The following GSG1L variants were observed in gnomAD, a reference collection of about 807,000 sequenced individuals.
The protein encoded by GSG1L is germ cell-specific gene 1-like protein.
A neutral mutation model predicts 42.1 loss-of-function variants in GSG1L; 24 were observed. The observed-to-expected ratio is 0.57, with a 90% confidence interval of 0.41 to 0.80. The LOEUF is 0.80. Among genes scored for constraint, GSG1L ranks in the 30% least tolerant of loss-of-function variants. The probability of loss-of-function intolerance (pLI) is 0.00; values close to 1 mark genes in which losing one functional copy is unlikely to be tolerated. For synonymous variants in GSG1L, 215 were observed against 203.5 expected, an observed-to-expected ratio of 1.06 and a Z score of -0.48; for missense variants, 445 against 472.2, an observed-to-expected ratio of 0.94 and a Z score of 0.53.
At chr16:27,811,396 C>T (rs548565126) in intron 5 of GSG1L, among the ~76,000 whole-genome samples, 20 of 152,288 alleles carry the variant, frequency 1.3e-4, no homozygotes, top group African/African-American at 4.3e-4. Flanking sequence ...TTTCCATCAG[C>T]AGAGGTGCTC....
intron 6 of GSG1L, among the ~76,000 whole-genome samples, chr16:27,795,364 C>T (rs893224557): frequency 5.3e-5 from 8 of 152,168 alleles, no homozygotes; most frequent in African/African-American, 1.9e-4. Flanking sequence ...GACCGTACTT[C>T]GGTCTAACAG....
At chr16:28,012,141 T>A (rs2085727260) in intron 1 of GSG1L, among the ~76,000 whole-genome samples, 1 of 152,184 alleles carries the variant, frequency 6.6e-6, no homozygotes, top group Admixed American at 6.5e-5. Flanking sequence ...TCGCTACAGC[T>A]GCTCCAAATG....
intron 1 of GSG1L, among the ~76,000 whole-genome samples, chr16:28,002,886 C>T (rs531207460): frequency 6.6e-6 from 1 of 152,048 alleles, no homozygotes; most frequent in Admixed American, 6.5e-5. Flanking sequence ...GCAGTGAGCC[C>T]AGATGCACCA....
intron 1 of GSG1L, among the ~76,000 whole-genome samples, chr16:28,020,174 G>A (rs1213498195): frequency 6.6e-6 from 1 of 152,200 alleles, no homozygotes; most frequent in East Asian, 1.9e-4. Context: ...CGGCCCTACT[G>A]TCTTGCTGGG....
In GSG1L at chr16:27,958,423, A is replaced by AAAG. The variant is rs1555510827; in HGVS notation, c.397+4732_397+4733insCTT. On this transcript the variant is annotated intron_variant, in intron 2 of 6. Transcript: ENST00000447459. ...GTGAGACTCCATCTAAAAAAAAAAA[A>AAAG]AAAAGAAAAGAAAACTATATCAGTC... Among the ~76,000 whole-genome samples the AAAG allele has an allele frequency of 7.8e-4, 118 of 151,282 alleles. 1 individual carries two copies. The highest frequency in any genetic ancestry group is 2.7e-3 in the African/African-American group (111 of 41,366).
chr16:27,884,750 C>T lies in GSG1L; in HGVS notation c.398-112G>A. Reference sequence around the variant, plus strand: ...GGTAGCAAGTCATTCTAGAATAGAACCTGGTTCTGGGGGAGGTCCTGATGG... The same window carrying T: ...GGTAGCAAGTCATTCTAGAATAGAATCTGGTTCTGGGGGAGGTCCTGATGG... On this transcript the variant is annotated intron_variant, in intron 2 of 6. Transcript: ENST00000447459. The surrounding 1 kb of genome is among the most constrained non-coding windows in gnomAD (Gnocchi z 4.4). The T allele has an allele frequency of 3.6e-6, 4 of 1,114,224 alleles. No homozygotes were observed. Among genetic ancestry groups the T allele is most frequent in the African/African-American group, 1.6e-5 (1 of 63,662 alleles). The allele number at this position is 1,114,224 out of a possible 1,614,324, so 69.0% of individuals were successfully genotyped here. A position where few individuals can be genotyped will look rare whatever the true frequency, so the allele number is the denominator to read the frequency against.
At chr16:27,839,728 A>G (rs895290854) in intron 4 of GSG1L, among the ~76,000 whole-genome samples, 31 of 152,234 alleles carry the variant, frequency 2.0e-4, no homozygotes, top group African/African-American at 1.4e-4. Context: ...AGATCTTCCA[A>G]TGATCATGAA....
At chr16:27,932,169 C>T (rs762709942) in intron 2 of GSG1L, among the ~76,000 whole-genome samples, 1 of 152,186 alleles carries the variant, frequency 6.6e-6, no homozygotes, top group African/African-American at 2.4e-5. Context: ...TCTCATACCT[C>T]GGCCTCCCAA....
At chr16:27,827,126 G>A (rs1233430529) in intron 5 of GSG1L, among the ~76,000 whole-genome samples, 2 of 152,320 alleles carry the variant, frequency 1.3e-5, no homozygotes, top group South Asian at 2.1e-4. Flanking sequence ...TAACTGCATA[G>A]TGAAGTCTTA....
intron 2 of GSG1L, among the ~76,000 whole-genome samples, chr16:27,903,641 C>A (rs191127752): frequency 1.2e-4 from 18 of 152,306 alleles, no homozygotes; most frequent in East Asian, 9.7e-4. Flanking sequence ...CAGATGCCCC[C>A]CCTTGGGGCC....
At chr16:27,853,203 C>T (rs2083536169) in intron 3 of GSG1L, among the ~76,000 whole-genome samples, 1 of 152,228 alleles carries the variant, frequency 6.6e-6, no homozygotes, top group African/African-American at 2.4e-5. Flanking sequence ...ACGACGGAGA[C>T]CAAAGCCTGG....
At chr16:27,978,412 G>T (rs1302010780) in intron 1 of GSG1L, among the ~76,000 whole-genome samples, 1 of 150,650 alleles carries the variant, frequency 6.6e-6, no homozygotes, top group African/African-American at 2.4e-5. Context: ...CACTGTGCCA[G>T]CTGGGCGCAG....
chr16:27,886,409 C>A (rs1050898024), intron 2 of GSG1L, among the ~76,000 whole-genome samples: 1 of 152,154 alleles, frequency 6.6e-6, no homozygotes, highest in Non-Finnish European at 1.5e-5. Flanking sequence ...CACTGCACTC[C>A]AGCCAAGGCA....
At position 27,917,805 on chromosome 16, in the gene GSG1L, T is replaced by C. The variant is rs73519058; in HGVS notation, c.398-33167A>G. Among the ~76,000 whole-genome samples the C allele has an allele frequency of 2.4e-3, 359 of 152,282 alleles. 1 individual carries two copies. The highest frequency in any genetic ancestry group is 8.5e-3 in the African/African-American group (352 of 41,552). On this transcript the variant is annotated intron_variant, in intron 2 of 6. Coordinates refer to ENST00000447459, the MANE Select transcript of GSG1L (RefSeq NM_001109763.2). ...AATAATTCATCAGCTAAAAAGCAGA[T>C]CTGGCTTCGGGCACAGCTAGACGGA...
chr16:27,827,527 C>T (rs1035767834), intron 5 of GSG1L, among the ~76,000 whole-genome samples: 1 of 151,948 alleles, frequency 6.6e-6, no homozygotes, highest in Admixed American at 6.6e-5. Flanking sequence ...TGGTAGCTGG[C>T]CCATAGGAGC....
Position 27,794,458 on chromosome 16 carries a change from G to T in GSG1L, c.899-2991C>A, listed in dbSNP as rs141770824. Reference sequence around the variant, plus strand: ...CCATTCTCCTGCCTCAGCCTCCTAAGTAGCTAGGACTACAGGCACCTGCTA... The same window carrying T: ...CCATTCTCCTGCCTCAGCCTCCTAATTAGCTAGGACTACAGGCACCTGCTA... On this transcript the variant is annotated intron_variant, in intron 6 of 6. Transcript: ENST00000447459. Among the ~76,000 whole-genome samples, 1,464 of 151,984 alleles carry T rather than the reference G, an allele frequency of 9.6e-3. 22 individuals are homozygous for T. Among genetic ancestry groups the T allele is most frequent in the African/African-American group, 0.031 (1,270 of 41,450 alleles).
chr16:27,789,320 G>C lies in GSG1L; in HGVS notation c.*2050C>G, dbSNP rs2082725659. The C allele has an allele frequency of 6.6e-6, 1 of 150,930 alleles. No homozygotes were observed. The highest frequency in any genetic ancestry group is 6.6e-5 in the Admixed American group (1 of 15,176). The allele number at this position is 150,930 out of a possible 1,614,324, so 9.3% of individuals were successfully genotyped here. On this transcript the variant is annotated 3_prime_UTR_variant, in exon 7 of 7. Transcript: ENST00000447459. ...GGTTGATGGATAATGGGCAGATGGA[G>C]GGATGAATGGATGTGTGGATGACGG...
chr16:27,976,111 C>T (rs1355467833), intron 1 of GSG1L, among the ~76,000 whole-genome samples: 1 of 152,116 alleles, frequency 6.6e-6, no homozygotes, highest in Non-Finnish European at 1.5e-5. Context: ...CCTGTCTCTA[C>T]ATAAAATACA....
chr16:27,867,740 C>T (rs952754331), intron 3 of GSG1L, among the ~76,000 whole-genome samples: 1 of 152,142 alleles, frequency 6.6e-6, no homozygotes, highest in African/African-American at 2.4e-5. Flanking sequence ...TGCAGCGCAC[C>T]CACCCTGAGG....
Sources: allele counts gnomAD v4.1 joint callset (sites outside exome capture counted in the v4.1 genomes callset), GRCh38; gene constraint gnomAD v4.1.1; non-coding constraint Gnocchi (gnomAD v3.1); transcripts MANE v1.5; gene names NCBI Gene and HGNC (gene_info 2026-07-23, HGNC 2026-07-21).